Variants in CRISP1 observed in about 807,000 individuals in gnomAD.
CRISP1 encodes cysteine-rich secretory protein 1.
Under a neutral mutation model 33.1 loss-of-function variants are expected in CRISP1, and 44 were observed. The observed-to-expected ratio is 1.33, with a 90% CI of 1.05 to 1.71. The LOEUF is 1.71. CRISP1 is among the 40% of genes most tolerant of loss of function. The pLI is 0.00. For synonymous variants in CRISP1, 103 were observed against 98.7 expected (o/e 1.04, Z -0.26); for missense variants, 390 against 301.2 (o/e 1.29, Z -2.18).
At chr6:49,839,240 G>A (rs1449217596) in intron 6 of CRISP1, among the ~76,000 whole-genome samples, 1 of 72,336 alleles carries the variant, frequency 1.4e-5, no homozygotes, top group African/African-American at 5.4e-5. Flanking sequence ...TTTGAGAAAA[G>A]CCTGGGCAAA....
chr6:49,840,248 A>C (rs1419348444), intron 6 of CRISP1, among the ~76,000 whole-genome samples: 1 of 152,186 alleles, frequency 6.6e-6, no homozygotes, highest in Non-Finnish European at 1.5e-5. Flanking sequence ...GTCTTACTTG[A>C]TCTTGCTTCA....
chr6:49,854,771 T>C (rs1044476758), intron 2 of CRISP1, among the ~76,000 whole-genome samples: 1 of 152,158 alleles, frequency 6.6e-6, no homozygotes, highest in Non-Finnish European at 1.5e-5. Context: ...TGCTTAGGCA[T>C]TAGGCAATGT....
chr6:49,853,736 T>A (rs980419778), intron 2 of CRISP1, among the ~76,000 whole-genome samples: 4 of 152,132 alleles, frequency 2.6e-5, no homozygotes, highest in African/African-American at 7.2e-5. Context: ...TTCATCTCTA[T>A]CTGTGTTCTC....
chr6:49,837,461 G>A (rs1456301968), intron 7 of CRISP1, among the ~76,000 whole-genome samples: 1 of 150,180 alleles, frequency 6.7e-6, no homozygotes, highest in Non-Finnish European at 1.5e-5. Flanking sequence ...TTTTTTCCCG[G>A]TGGGGAGGAA....
intron 5 of CRISP1, among the ~76,000 whole-genome samples, chr6:49,843,310 C>T (rs1018423311): frequency 3.3e-5 from 5 of 152,146 alleles, no homozygotes; most frequent in Admixed American, 2.0e-4. Flanking sequence ...AAAGAAAATG[C>T]TATTTACTAG....
chr6:49,851,966 T>C (rs760276316), intron 3 of CRISP1, 35 bp downstream of exon 3: 3 of 1,590,774 alleles, frequency 1.9e-6, no homozygotes, highest in Non-Finnish European at 2.6e-6. Context: ...ATTACTATTA[T>C]TGCAATCATG....
At chr6:49,874,625 T>A (rs564830402) in intron 1 of CRISP1, among the ~76,000 whole-genome samples, 40 of 152,158 alleles carry the variant, frequency 2.6e-4, no homozygotes, top group Admixed American at 6.6e-4. Flanking sequence ...CAGGTCAATA[T>A]CCTTGATGAA....
Position 49,835,309 on chromosome 6 carries a change from CAA to C in CRISP1, c.*5_*6del. The C allele has an allele frequency of 6.2e-7, 1 of 1,613,134 alleles. No homozygotes were observed. The highest frequency in any genetic ancestry group is 8.5e-7 in the Non-Finnish European group (1 of 1,179,542). On this transcript the variant is annotated 3_prime_UTR_variant, in exon 8 of 8. Transcript: ENST00000335847. The stretch of plus-strand genomic sequence containing the variant: ...CACAGCATAGAACAGTTGAAAATAA[CAA>C]AGACCTATTTTATCTCAGTGTCACA...
chr6:49,876,574 T>C (rs1184316444), intron 1 of CRISP1, among the ~76,000 whole-genome samples: 3 of 151,964 alleles, frequency 2.0e-5, no homozygotes, highest in Non-Finnish European at 2.9e-5. Context: ...ATTATAAAGA[T>C]ACATGCACAT....
Position 49,861,900 on chromosome 6 carries a change from ACT to A in CRISP1, c.-2-4500_-2-4499del, listed in dbSNP as rs888440104. On this transcript the variant is annotated intron_variant, in intron 1 of 7. Coordinates refer to ENST00000335847, the MANE Select transcript of CRISP1 (RefSeq NM_001131.3). ...ACTCCATAAAAAAAAAAATAACATA[ACT>A]CAACATAATAAAGGCCATATATGAC... Among the ~76,000 whole-genome samples, 1,004 of 151,964 alleles carry A rather than the reference ACT, an allele frequency of 6.6e-3. 6 individuals are homozygous for A. Among genetic ancestry groups the A allele is most frequent in the African/African-American group, 0.022 (917 of 41,460 alleles).
At chr6:49,870,195 G>A (rs1771890795), upstream of CRISP1, among the ~76,000 whole-genome samples, 5 of 152,274 alleles carry the variant, frequency 3.3e-5, no homozygotes, top group South Asian at 6.2e-4. Flanking sequence ...CAATCACATG[G>A]ATCTTTCTCA....
intron 5 of CRISP1, among the ~76,000 whole-genome samples, chr6:49,844,624 G>T (rs992596023): frequency 1.3e-5 from 2 of 152,166 alleles, no homozygotes; most frequent in African/African-American, 4.8e-5. Flanking sequence ...GGAAAAGGCT[G>T]CCCACAGAGC....
rs77454922 is a variant in CRISP1, at chr6:49,852,978, A to C, written c.67-849T>G. Among the ~76,000 whole-genome samples, 1,481 of 152,126 alleles carry C rather than the reference A, an allele frequency of 9.7e-3. 12 individuals carry two copies. Among genetic ancestry groups the C allele is most frequent in the Non-Finnish European group, 0.016 (1,070 of 67,976 alleles). On this transcript the variant is annotated intron_variant, in intron 2 of 7. Coordinates refer to ENST00000335847, the MANE Select transcript of CRISP1 (RefSeq NM_001131.3). ...TGTCTGTTGCTTCCTTAACTACCAC[A>C]TGACCATCAGCACAATTTATGAATG...
intron 6 of CRISP1, among the ~76,000 whole-genome samples, chr6:49,839,253 A>G (rs759684221): frequency 1.3e-4 from 19 of 149,488 alleles, no homozygotes; most frequent in Non-Finnish European, 2.8e-4. Flanking sequence ...TGGGCAAAAA[A>G]AAAGCATCTT....
Position 49,851,987 on chromosome 6 carries a change from T to A in CRISP1, c.195+14A>T, listed in dbSNP as rs1771359550. 6.3e-7 allele frequency: 1 copy of A among 1,598,818 alleles called. No homozygotes were observed. Among genetic ancestry groups the A allele is most frequent in the South Asian group, 1.1e-5 (1 of 87,424 alleles). On this transcript the variant is annotated intron_variant, in intron 3 of 7. Transcript: ENST00000335847. The stretch of plus-strand genomic sequence containing the variant: ...ATTATTGCAATCATGGTTGTTGCTA[T>A]TTTTTGATCTTACCATCTTCAGCAT...
Position 49,852,148 on chromosome 6 carries a change from T to G in CRISP1, c.67-19A>C. 6.2e-7 allele frequency: 1 copy of G among 1,606,516 alleles called. No homozygotes were observed. The highest frequency in any genetic ancestry group is 8.5e-7 in the Non-Finnish European group (1 of 1,177,052). ...ATTTCTTCTGTTACCAGAAAAATAT[T>G]AATTAGTGTTACTTCTTTTAAGTGG... On this transcript the variant is annotated intron_variant, in intron 2 of 7. Transcript: ENST00000335847.
intron 1 of CRISP1, among the ~76,000 whole-genome samples, chr6:49,858,029 C>A (rs1226283113): frequency 6.6e-6 from 1 of 152,116 alleles, no homozygotes; most frequent in Non-Finnish European, 1.5e-5. Context: ...TTAGAACATT[C>A]AATTTATGAT....
intron 1 of CRISP1, among the ~76,000 whole-genome samples, chr6:49,864,759 T>C (rs979035032): frequency 2.0e-5 from 3 of 152,176 alleles, no homozygotes; most frequent in African/African-American, 7.2e-5. Flanking sequence ...AGGTTGGCTC[T>C]TTTTCTTATT....
At position 49,840,886 on chromosome 6, in the gene CRISP1, A is replaced by G; in HGVS notation, c.533+12T>C. 2 of 1,601,408 alleles carry G rather than the reference A, an allele frequency of 1.2e-6. No homozygotes were observed. Among genetic ancestry groups the G allele is most frequent in the Non-Finnish European group, 1.7e-6 (2 of 1,170,206 alleles). On this transcript the variant is annotated intron_variant, in intron 6 of 7. Coordinates refer to ENST00000335847, the MANE Select transcript of CRISP1 (RefSeq NM_001131.3). ...TAGGGGGATATATATTTTAAAAACT[A>G]ATAATACATACTCATGACAATAGTG... is the stretch of plus-strand genomic sequence containing the variant.
Sources: gnomAD v4.1 joint callset for allele counts (sites outside exome capture counted in the v4.1 genomes callset) on GRCh38, gnomAD v4.1.1 for gene constraint, MANE v1.5 for transcripts, NCBI Gene and HGNC (gene_info 2026-07-23, HGNC 2026-07-21) for gene names.